The following RPS6KC1 variants were observed in gnomAD, a reference collection of about 807,000 sequenced individuals.
The protein encoded by RPS6KC1 is ribosomal protein S6 kinase C1.
RPS6KC1 carries 54 observed loss-of-function variants against 103.8 expected under a neutral mutation model. The ratio of observed to expected loss-of-function variants is 0.52; its 90% CI spans 0.42 to 0.65. The LOEUF is 0.65. Ranked by LOEUF, RPS6KC1 falls within the 30% of genes least tolerant of loss-of-function variation. The pLI is 0.00. For missense variants in RPS6KC1, 1,151 were observed against 1,253.8 expected (o/e 0.92, Z 1.24); for synonymous variants, 439 against 438.7 (o/e 1.00, Z -0.01).
At chr1:213,529,265 A>G in the RPS6KC1 span, among the ~76,000 whole-genome samples, 1 of 152,226 alleles carries the variant, frequency 6.6e-6, no homozygotes, top group African/African-American at 2.4e-5. Context: ...AGGAAGAACA[A>G]TGTTTCAAAT....
At chr1:213,590,828 T>C in the RPS6KC1 span, among the ~76,000 whole-genome samples, 1 of 152,142 alleles carries the variant, frequency 6.6e-6, no homozygotes, top group Non-Finnish European at 1.5e-5. Flanking sequence ...TCCATTACAG[T>C]GTCCACACAG....
intron 12 of RPS6KC1, among the ~76,000 whole-genome samples, chr1:213,243,758 A>G (rs1379758572): frequency 6.6e-6 from 1 of 152,132 alleles, no homozygotes; most frequent in Non-Finnish European, 1.5e-5. Flanking sequence ...AGGAGTTTCA[A>G]GCTGATTTTT....
chr1:213,162,000 A>G (rs2090519613), intron 6 of RPS6KC1, among the ~76,000 whole-genome samples: 1 of 152,202 alleles, frequency 6.6e-6, no homozygotes, highest in Non-Finnish European at 1.5e-5. Context: ...CATGTTTACC[A>G]GATTAAAAAC....
At chr1:213,428,404 TC>T in the RPS6KC1 span, among the ~76,000 whole-genome samples, 1 of 114,644 alleles carries the variant, frequency 8.7e-6, no homozygotes, top group Non-Finnish European at 1.9e-5. Context: ...TCTCTCCACC[TC>T]CCTCCCTCCC....
intron 4 of RPS6KC1, among the ~76,000 whole-genome samples, chr1:213,115,711 A>G (rs1158358487): frequency 9.9e-5 from 15 of 152,100 alleles, no homozygotes; most frequent in Non-Finnish European, 1.5e-5. Context: ...ATTTCCCTCT[A>G]CACACTGCTT....
At chr1:213,448,923 T>C in the RPS6KC1 span, among the ~76,000 whole-genome samples, 3 of 152,168 alleles carry the variant, frequency 2.0e-5, no homozygotes, top group African/African-American at 7.2e-5. Context: ...TGCTGCTGTG[T>C]TTTGGGCTAA....
At chr1:213,113,142 A>G (rs2083202807) in intron 4 of RPS6KC1, among the ~76,000 whole-genome samples, 1 of 152,094 alleles carries the variant, frequency 6.6e-6, no homozygotes, top group African/African-American at 2.4e-5. Context: ...TGCCACACTG[A>G]CTTCCACAAT....
At chr1:213,076,444 A>G (rs2079345052) in intron 2 of RPS6KC1, among the ~76,000 whole-genome samples, 1 of 152,190 alleles carries the variant, frequency 6.6e-6, no homozygotes, top group African/African-American at 2.4e-5. Flanking sequence ...TCTATTGTAT[A>G]TGAAAAACTT....
the RPS6KC1 span, among the ~76,000 whole-genome samples, chr1:213,349,361 G>A: frequency 6.6e-6 from 1 of 152,144 alleles, no homozygotes; most frequent in African/African-American, 2.4e-5. Context: ...GTGGGGGACG[G>A]TAATGCATGA....
At chr1:213,784,996 T>C in the RPS6KC1 span, among the ~76,000 whole-genome samples, 1 of 152,102 alleles carries the variant, frequency 6.6e-6, no homozygotes, top group Admixed American at 6.6e-5. Context: ...GGAAAAAGGG[T>C]GAAGCTGCTC....
chr1:213,608,635 GA>G, the RPS6KC1 span, among the ~76,000 whole-genome samples: 11,538 of 149,598 alleles, frequency 0.077, 627 homozygotes, highest in East Asian at 0.18. Context: ...ATCACTGTAG[GA>G]AAAAAAAAGG....
chr1:213,720,370 G>T, the RPS6KC1 span, among the ~76,000 whole-genome samples: 1 of 152,238 alleles, frequency 6.6e-6, no homozygotes, highest in African/African-American at 2.4e-5. Flanking sequence ...GGAAAAACTG[G>T]CTTAAGGGGA....
the RPS6KC1 span, among the ~76,000 whole-genome samples, chr1:213,739,979 T>C: frequency 1.3e-5 from 2 of 151,806 alleles, no homozygotes; most frequent in African/African-American, 4.8e-5. Context: ...TCCCAGAGAG[T>C]GACCAATCCA....
At chr1:213,580,149 C>T in the RPS6KC1 span, among the ~76,000 whole-genome samples, 1 of 151,958 alleles carries the variant, frequency 6.6e-6, no homozygotes, top group Non-Finnish European at 1.5e-5. Flanking sequence ...CTAGATGATG[C>T]CATAAAGAAC....
chr1:213,559,674 T>A, the RPS6KC1 span, among the ~76,000 whole-genome samples: 24 of 152,236 alleles, frequency 1.6e-4, no homozygotes, highest in Admixed American at 3.3e-4. Context: ...GGCCTGGGAC[T>A]TTAGTATTGT....
the RPS6KC1 span, among the ~76,000 whole-genome samples, chr1:213,671,409 G>A: frequency 6.6e-6 from 1 of 152,046 alleles, no homozygotes; most frequent in Non-Finnish European, 1.5e-5. Context: ...TTGGTCAGTG[G>A]GTATAAAGTT....
At chr1:213,739,282 T>C in the RPS6KC1 span, among the ~76,000 whole-genome samples, 1 of 152,246 alleles carries the variant, frequency 6.6e-6, no homozygotes, top group African/African-American at 2.4e-5. Flanking sequence ...GCTTACTTTA[T>C]TGTAAGAATA....
chr1:213,709,699 A>G, the RPS6KC1 span, among the ~76,000 whole-genome samples: 8 of 152,170 alleles, frequency 5.3e-5, no homozygotes, highest in Admixed American at 4.6e-4. Flanking sequence ...GCTGTGTCCC[A>G]CAGATATTGG....
At chr1:213,747,723 A>G in the RPS6KC1 span, among the ~76,000 whole-genome samples, 1 of 152,220 alleles carries the variant, frequency 6.6e-6, no homozygotes, top group Admixed American at 6.5e-5. Flanking sequence ...TTTAGAAAAG[A>G]AAATCAGAGA....
Sources: allele counts gnomAD v4.1 joint callset (sites outside exome capture counted in the v4.1 genomes callset), GRCh38; gene constraint gnomAD v4.1.1; transcripts MANE v1.5; gene names NCBI Gene and HGNC (gene_info 2026-07-23, HGNC 2026-07-21).